HAUS8: variants seen among roughly 807,000 people sequenced by gnomAD.
The protein encoded by HAUS8 is HAUS augmin like complex subunit 8, also known as HAUS augmin-like complex subunit 8.
A neutral mutation model predicts 42.9 loss-of-function variants in HAUS8; 38 were observed. That is an observed-to-expected ratio of 0.89 (90% CI 0.68 to 1.16). The LOEUF (loss-of-function observed/expected upper bound fraction) is 1.16. HAUS8 is among the 50% of genes most tolerant of loss of function. HAUS8 has a pLI of 0.00. For missense variants in HAUS8, 494 were observed against 511.6 expected (o/e 0.97, Z 0.33); for synonymous variants, 199 against 205.8 (o/e 0.97, Z 0.28).
chr19:17,050,845 G>A (rs914000801), intron 10 of HAUS8, among the ~76,000 whole-genome samples: 6 of 151,942 alleles, frequency 3.9e-5, no homozygotes, highest in Admixed American at 1.3e-4. Context: ...ATAGTGAGCC[G>A]AGGATCGCGC....
At chr19:17,060,332 G>A (rs186989454) in intron 4 of HAUS8, 81 of 446,882 alleles carry the variant, frequency 1.8e-4, no homozygotes, top group East Asian at 5.3e-4. Context: ...CCAAAGAGAC[G>A]CAAATAGGCC....
intron 3 of HAUS8, among the ~76,000 whole-genome samples, chr19:17,067,410 C>T (rs1324966052): frequency 6.6e-6 from 1 of 151,986 alleles, no homozygotes; most frequent in Non-Finnish European, 1.5e-5. Context: ...CTGGTCCTAT[C>T]AGAGCACAAG....
chr19:17,055,186 A>ATATATATATATATATG, intron 9 of HAUS8: 3 of 73,668 alleles, frequency 4.1e-5, no homozygotes, highest in Non-Finnish European at 7.0e-5. Flanking sequence ...ATATATATAT[A>ATATATATATATATATG]TATATAAGCC....
rs2057285809 is a variant in HAUS8, at chr19:17,051,326, GAA to G, written c.930-1152_930-1151del. On this transcript the variant is annotated intron_variant, in intron 10 of 10. Transcript: ENST00000253669. ...AAAAGATTTAGCATTGTAAAAAAGA[GAA>G]AAGATACTCTACTGGAAGAGGTGGA... Among the ~76,000 whole-genome samples the G allele has an allele frequency of 5.3e-5, 8 of 151,328 alleles. No individual in the cohort carries two copies. In the South Asian group the frequency reaches 1.7e-3, roughly 32 times the overall value.
chr19:17,070,277 C>T (rs573872766), intron 2 of HAUS8, among the ~76,000 whole-genome samples: 25 of 152,102 alleles, frequency 1.6e-4, no homozygotes, highest in African/African-American at 5.3e-4. Flanking sequence ...CCCAGCAGTC[C>T]ATTCTCAGTC....
At chr19:17,059,736 AT>A in intron 5 of HAUS8, 85 bp from the exon 6 acceptor site, 2 of 840,226 alleles carry the variant, frequency 2.4e-6, no homozygotes, top group Non-Finnish European at 3.9e-6. Flanking sequence ...TGATGGGTTT[AT>A]TGGGATGTAA....
chr19:17,075,348 G>A (rs2057464653), intron 1 of HAUS8, 46 bp downstream of exon 1: 6 of 1,606,466 alleles, frequency 3.7e-6, no homozygotes, highest in African/African-American at 1.3e-5. Context: ...ATCCTCTCCA[G>A]CCCTATGGCG....
chr19:17,060,095 G>T lies in HAUS8; in HGVS notation c.230-3C>A. The T allele has an allele frequency of 6.2e-7, 1 of 1,601,130 alleles. No homozygotes were observed. The highest frequency in any genetic ancestry group is 1.1e-5 in the South Asian group (1 of 90,724). On this transcript the variant is annotated splice_region_variant and splice_polypyrimidine_tract_variant and intron_variant, in intron 4 of 10. Transcript: ENST00000253669. ...CTTTCCGACCCCACTGCTATCTGCTGTTAAGAAAAGAATCCCCGAAAGTCA... is the reference window on the plus strand; with the variant it reads ...CTTTCCGACCCCACTGCTATCTGCTTTTAAGAAAAGAATCCCCGAAAGTCA...
In HAUS8 at chr19:17,069,234, C is replaced by T. The variant is rs943136790; in HGVS notation, c.92-148G>A. 85 of 703,930 alleles carry T rather than the reference C, an allele frequency of 1.2e-4. 1 individual carries two copies. The South Asian group carries it at 1.3e-3, about 11-fold the overall frequency. The allele number at this position is 703,930 out of a possible 1,614,324, so 43.6% of individuals were successfully genotyped here. ...GGAGGTCACCACTCCTCCTGCTCGC[C>T]TCTGATCACGTCCTTCGGCAGCCTC... is the stretch of plus-strand genomic sequence containing the variant. On this transcript the variant is annotated intron_variant, in intron 2 of 10. Coordinates refer to ENST00000253669, the MANE Select transcript of HAUS8 (RefSeq NM_033417.2).
chr19:17,054,258 T>C (rs1259273535), intron 9 of HAUS8, among the ~76,000 whole-genome samples: 2 of 152,018 alleles, frequency 1.3e-5, no homozygotes, highest in African/African-American at 4.8e-5. Context: ...CCCGGAAAAC[T>C]CAACACGATC....
chr19:17,058,529 G>C lies in HAUS8; in HGVS notation c.645+20C>G, dbSNP rs777263133. The C allele has an allele frequency of 3.2e-6, 5 of 1,571,042 alleles. No individual in the cohort carries two copies. The highest frequency in any genetic ancestry group is 4.3e-6 in the Non-Finnish European group (5 of 1,160,846). On this transcript the variant is annotated intron_variant, in intron 8 of 10. Transcript: ENST00000253669. ...TCACAGGGAACACTCACTGGTCACAGAGTGTCACTTACAACTGACCTGGGC... is the reference window on the plus strand; with the variant it reads ...TCACAGGGAACACTCACTGGTCACACAGTGTCACTTACAACTGACCTGGGC...
In HAUS8 at chr19:17,069,049, T is replaced by C. The variant is rs753831420; in HGVS notation, c.129A>G (p.Glu43=). ...GCCTTACCTTTTGGGTTGTCTTCTTTTCATACTGCAGATACCGGGACTCAA... is the reference window on the plus strand; with the variant it reads ...GCCTTACCTTTTGGGTTGTCTTCTTCTCATACTGCAGATACCGGGACTCAA... ...RVIESRYLQY[E]KKTTQKAPAG... is the part of the protein sequence containing the mutation. Residue 43 remains glutamate, a synonymous_variant, in exon 3 of 11, where the codon GAA becomes GAG. Coordinates refer to ENST00000253669, the MANE Select transcript of HAUS8 (RefSeq NM_033417.2). 2.5e-6 allele frequency: 4 copies of C among 1,613,434 alleles called. No individual in the cohort carries two copies. Among genetic ancestry groups the C allele is most frequent in the Non-Finnish European group, 1.7e-6 (2 of 1,179,720 alleles).
At chr19:17,050,433 G>T (rs1416797853) in intron 10 of HAUS8, among the ~76,000 whole-genome samples, 13 of 152,212 alleles carry the variant, frequency 8.5e-5, no homozygotes, top group Admixed American at 2.0e-4. Flanking sequence ...TGTGGTGGGA[G>T]TATCTGTCCC....
At position 17,052,729 on chromosome 19, in the gene HAUS8, C is replaced by T. The variant is rs1425224381; in HGVS notation, c.929+96G>A. The T allele has an allele frequency of 5.1e-6, 7 of 1,359,798 alleles. No individual in the cohort carries two copies. The Admixed American group carries it at 8.9e-5, about 17-fold the overall frequency. The allele number at this position is 1,359,798 out of a possible 1,614,324, so 84.2% of individuals were successfully genotyped here. A position where few individuals can be genotyped will look rare whatever the true frequency, so the allele number is the denominator to read the frequency against. ...CTCAGGGGACTGAACCTCCTCTGAA[C>T]TCCTAGAGGAACTCGGCACCACCCC... On this transcript the variant is annotated intron_variant, in intron 10 of 10. Coordinates refer to ENST00000253669, the MANE Select transcript of HAUS8 (RefSeq NM_033417.2).
chr19:17,059,561 C>A lies in HAUS8; in HGVS notation c.416G>T (p.Ser139Ile), dbSNP rs749109184. ...CCTCTTCTTTCAGACACTTACCGGG[C>A]TCTTTTTCCGAGGGGCAGAAAATGA... ...STSFSAPRKK[S>I]PDLSEAMEMM... Residue 139 changes from serine (S) to isoleucine (I), a missense_variant, in exon 6 of 11, where the codon AGC becomes ATC. Transcript: ENST00000253669. The A allele has an allele frequency of 6.2e-7, 1 of 1,610,758 alleles. No individual in the cohort carries two copies. The highest frequency in any genetic ancestry group is 8.5e-7 in the Non-Finnish European group (1 of 1,177,150).
At chr19:17,059,465 G>A in intron 6 of HAUS8, 92 bp downstream of exon 6, 2 of 835,568 alleles carry the variant, frequency 2.4e-6, no homozygotes, top group South Asian at 1.5e-5. Context: ...TATGTTCTTG[G>A]ATCCGTGGGC....
chr19:17,071,119 G>A (rs1460090091), intron 2 of HAUS8, among the ~76,000 whole-genome samples: 1 of 151,932 alleles, frequency 6.6e-6, no homozygotes, highest in East Asian at 1.9e-4. Context: ...AGAGCTCAGA[G>A]GTTTGCCTTT....
At position 17,058,886 on chromosome 19, in the gene HAUS8, A is replaced by G; in HGVS notation, c.421-10T>C. ...TTGCTTCAGATAAATCCTTAAGAAA[A>G]GAAAAAGACCCTCTCAATTCCTGAT... On this transcript the variant is annotated splice_polypyrimidine_tract_variant and intron_variant, in intron 6 of 10. Transcript: ENST00000253669. The G allele has an allele frequency of 6.2e-7, 1 of 1,606,672 alleles. No individual in the cohort carries two copies. The highest frequency in any genetic ancestry group is 8.5e-7 in the Non-Finnish European group (1 of 1,176,650).
At chr19:17,053,656 C>CTTTT (rs1467597549) in intron 9 of HAUS8, 1 of 147,606 alleles carries the variant, frequency 6.8e-6, no homozygotes, top group African/African-American at 2.5e-5. Context: ...CGGGAAATTT[C>CTTTT]TTTTTTTCTT....
Sources: allele counts gnomAD v4.1 joint callset (sites outside exome capture counted in the v4.1 genomes callset), GRCh38; gene constraint gnomAD v4.1.1; transcripts MANE v1.5; gene names NCBI Gene and HGNC (gene_info 2026-07-23, HGNC 2026-07-21).